The following ARHGEF9 variants were observed in gnomAD, a reference collection of about 807,000 sequenced individuals.
ARHGEF9 encodes rho guanine nucleotide exchange factor 9.
In ARHGEF9, 2 loss-of-function variants were observed where a neutral mutation model predicts 41.3. The ratio of observed to expected loss-of-function variants is 0.05; its 90% CI spans 0.02 to 0.15. The LOEUF (loss-of-function observed/expected upper bound fraction) is 0.15, where lower values mean the gene tolerates loss of function less well. Among genes scored for constraint, ARHGEF9 ranks in the 10% least tolerant of loss-of-function variants. The pLI, the probability that ARHGEF9 is intolerant of heterozygous loss-of-function variation, is 1.00. For synonymous variants in ARHGEF9, 160 were observed against 154.4 expected (o/e 1.04, Z -0.27); for missense variants, 225 against 424.7 (o/e 0.53, Z 4.13).
At chrX:63,759,430 G>A (rs1288600174) in intron 1 of ARHGEF9, among the ~76,000 whole-genome samples, 3 of 111,077 alleles carry the variant, frequency 2.7e-5, no homozygotes, top group Non-Finnish European at 3.8e-5. Flanking sequence ...TTGGTTATCC[G>A]GTCTCAGCTC....
At chrX:63,650,972 T>C (rs1475097251) in intron 8 of ARHGEF9, among the ~76,000 whole-genome samples, 1 of 110,423 alleles carries the variant, frequency 9.1e-6, no homozygotes, top group Non-Finnish European at 1.9e-5. Flanking sequence ...ATGAACAATT[T>C]CCCAGAAAAA....
intron 1 of ARHGEF9, among the ~76,000 whole-genome samples, chrX:63,733,245 T>C (rs182105428): frequency 8.9e-6 from 1 of 112,063 alleles, no homozygotes; most frequent in Admixed American, 9.4e-5. Flanking sequence ...GAACAATTTA[T>C]GGGGCCAAGG....
intron 3 of ARHGEF9, among the ~76,000 whole-genome samples, chrX:63,704,501 T>C (rs1322170509): frequency 9.0e-6 from 1 of 111,729 alleles, no homozygotes; most frequent in East Asian, 2.8e-4. Flanking sequence ...CTGAATGCCA[T>C]GTAGCACATT....
In ARHGEF9 at chrX:63,678,332, T is replaced by A. The variant is rs1464003224; in HGVS notation, c.815+8A>T. ...CCTCATTCACTCCTGACTCCCTCGA[T>A]CCCTTACCTGTGGTCTTGGGCAGTA... is the stretch of plus-strand genomic sequence containing the variant. On this transcript the variant is annotated splice_region_variant and intron_variant, in intron 5 of 9. Coordinates refer to ENST00000671741, the MANE Select transcript of ARHGEF9 (RefSeq NM_001353921.2). 9 of 1,190,651 alleles carry A rather than the reference T, an allele frequency of 7.6e-6. No individual in the cohort carries two copies. Among genetic ancestry groups the A allele is most frequent in the Non-Finnish European group, 9.1e-6 (8 of 881,576 alleles).
intron 8 of ARHGEF9, among the ~76,000 whole-genome samples, chrX:63,648,567 A>G (rs2048295018): frequency 9.0e-6 from 1 of 111,549 alleles, no homozygotes; most frequent in African/African-American, 3.3e-5. Flanking sequence ...ACCAGCTAAG[A>G]TCATAATGAC....
In ARHGEF9 at chrX:63,635,567, T is replaced by C; in HGVS notation, c.*2461A>G. On this transcript the variant is annotated 3_prime_UTR_variant, in exon 10 of 10. Coordinates refer to ENST00000671741, the MANE Select transcript of ARHGEF9 (RefSeq NM_001353921.2). ...TTGATGCTATAGGCTGAGGGAATAC[T>C]CCAACCAATGGGGAAATGATTTCTT... 2.3e-6 allele frequency: 1 copy of C among 440,044 alleles called. No individual in the cohort carries two copies. Among genetic ancestry groups the C allele is most frequent in the Non-Finnish European group, 4.0e-6 (1 of 251,806 alleles). 36.3% of individuals were successfully genotyped at this position (440,044 alleles called of 1,213,427 possible).
chrX:63,649,374 A>T (rs1331728987), intron 8 of ARHGEF9, among the ~76,000 whole-genome samples: 1 of 110,465 alleles, frequency 9.1e-6, no homozygotes, highest in Non-Finnish European at 1.9e-5. Flanking sequence ...AGAAATAAAG[A>T]TGTTCTTTGA....
chrX:63,715,817 T>G (rs1201432881), intron 2 of ARHGEF9, among the ~76,000 whole-genome samples: 1 of 111,954 alleles, frequency 8.9e-6, no homozygotes, highest in African/African-American at 3.3e-5. Flanking sequence ...ATCTACAGAC[T>G]GAGAGGAGAG....
intron 2 of ARHGEF9, among the ~76,000 whole-genome samples, chrX:63,713,962 C>T (rs2053131862): frequency 9.0e-6 from 1 of 111,551 alleles, no homozygotes; most frequent in Non-Finnish European, 1.9e-5. Flanking sequence ...AATTGTTCTC[C>T]CTCTCCAGCA....
chrX:63,743,931 A>G (rs2055114922), intron 1 of ARHGEF9, among the ~76,000 whole-genome samples: 1 of 112,007 alleles, frequency 8.9e-6, no homozygotes, highest in Non-Finnish European at 1.9e-5. Flanking sequence ...AACAACAAAA[A>G]TCAGAAAACA....
At chrX:63,649,357 T>G (rs2048375551) in intron 8 of ARHGEF9, among the ~76,000 whole-genome samples, 2 of 110,046 alleles carry the variant, frequency 1.8e-5, no homozygotes. Flanking sequence ...CATAACGAAA[T>G]GAAGGCAGAA....
At chrX:63,732,149 C>T (rs2054342794) in intron 1 of ARHGEF9, 1 of 111,845 alleles carries the variant, frequency 8.9e-6, no homozygotes, top group East Asian at 2.8e-4. Flanking sequence ...CCACTTAAAC[C>T]CTTGACTGCC....
At chrX:63,656,165 A>G (rs1556335897) in intron 7 of ARHGEF9, among the ~76,000 whole-genome samples, 1 of 111,061 alleles carries the variant, frequency 9.0e-6, no homozygotes, top group Non-Finnish European at 1.9e-5. Flanking sequence ...TCAGAGGGGG[A>G]CTGAGTAGTA....
chrX:63,676,195 C>T (rs2050251661), intron 5 of ARHGEF9, among the ~76,000 whole-genome samples: 1 of 112,195 alleles, frequency 8.9e-6, no homozygotes, highest in African/African-American at 3.2e-5. Flanking sequence ...AGCCATGGCT[C>T]TCAAACAATG....
chrX:63,650,176 G>C (rs2048449586), intron 8 of ARHGEF9, among the ~76,000 whole-genome samples: 1 of 111,026 alleles, frequency 9.0e-6, no homozygotes, highest in Non-Finnish European at 1.9e-5. Flanking sequence ...GCCACTGCTG[G>C]GTATGTATCC....
intron 8 of ARHGEF9, among the ~76,000 whole-genome samples, chrX:63,644,575 C>A (rs1366657896): frequency 9.1e-6 from 1 of 109,694 alleles, no homozygotes; most frequent in East Asian, 2.9e-4. Flanking sequence ...AAGTCCCAGG[C>A]AGGATGAGCA....
intron 1 of ARHGEF9, among the ~76,000 whole-genome samples, chrX:63,753,221 T>C (rs1164831948): frequency 8.9e-6 from 1 of 111,927 alleles, no homozygotes; most frequent in Non-Finnish European, 1.9e-5. Context: ...TTCCAGCTCA[T>C]GTTTTCCATG....
chrX:63,640,714 G>A (rs1452297222), intron 9 of ARHGEF9: 1 of 111,953 alleles, frequency 8.9e-6, no homozygotes, highest in Non-Finnish European at 1.9e-5. Context: ...AGTAGACTGA[G>A]TTGATAATGT....
At chrX:63,658,753 G>A (rs1277504349) in intron 7 of ARHGEF9, among the ~76,000 whole-genome samples, 1 of 111,542 alleles carries the variant, frequency 9.0e-6, no homozygotes, top group Non-Finnish European at 1.9e-5. Flanking sequence ...TTTAAATATT[G>A]TGAGTAAAAA....
Sources: allele counts gnomAD v4.1 joint callset (sites outside exome capture counted in the v4.1 genomes callset), GRCh38; gene constraint gnomAD v4.1.1; transcripts MANE v1.5; gene names NCBI Gene and HGNC (gene_info 2026-07-23, HGNC 2026-07-21).